Variants in BIRC3 observed in about 807,000 individuals in gnomAD.
The protein encoded by BIRC3 is baculoviral IAP repeat containing 3.
Under a neutral mutation model 59.0 loss-of-function variants are expected in BIRC3, and 26 were observed. That is an observed-to-expected ratio of 0.44 (90% CI 0.32 to 0.61). The LOEUF (loss-of-function observed/expected upper bound fraction) is 0.61. Among genes scored for constraint, BIRC3 ranks in the 20% least tolerant of loss-of-function variants. The pLI is 0.04. For synonymous variants in BIRC3, 243 were observed against 249.2 expected, an observed-to-expected ratio of 0.98 and a Z score of 0.24; for missense variants, 641 against 711.5, an observed-to-expected ratio of 0.90 and a Z score of 1.13.
Position 102,331,149 on chromosome 11 carries a change from G to T in BIRC3, c.1232G>T (p.Arg411Ile). The change falls in exon 6 of 9, where the codon AGA becomes ATA. Residue 411 changes from arginine (R) to isoleucine (I), a missense_variant. Arg to Ile is a moderately conservative substitution (Grantham distance 97, BLOSUM62 -3). Transcript: ENST00000263464. ...ATCCTAGCAACTGGAGAGAATTATA[G>T]ACTAGTCAATGATCTTGTGTTAGAC... Reference protein sequence around the residue: ...RKILATGENYRLVNDLVLDLL... With the variant: ...RKILATGENYILVNDLVLDLL... The T allele has an allele frequency of 6.2e-7, 1 of 1,613,762 alleles. No homozygotes were observed. Among genetic ancestry groups the T allele is most frequent in the South Asian group, 1.1e-5 (1 of 91,068 alleles).
chr11:102,318,242 A>G (rs1950994066), intron 1 of BIRC3, among the ~76,000 whole-genome samples: 1 of 152,306 alleles, frequency 6.6e-6, no homozygotes, highest in African/African-American at 2.4e-5. Context: ...AGGTACCATA[A>G]TTATCTCCAT....
Position 102,324,105 on chromosome 11 carries a change from A to G in BIRC3, c.-405A>G, listed in dbSNP as rs1450380263. The G allele has an allele frequency of 1.8e-5, 4 of 220,982 alleles. No individual in the cohort carries two copies. In the Admixed American group the frequency reaches 2.3e-4, roughly 13 times the overall value. The allele number at this position is 220,982 out of a possible 1,614,324, so 13.7% of individuals were successfully genotyped here. On this transcript the variant is annotated 5_prime_UTR_variant, in exon 2 of 9. Coordinates refer to ENST00000263464, the MANE Select transcript of BIRC3 (RefSeq NM_001165.5). ...TGAAAAGAAGCTTCATGAGTCACACATTACATCTTTGGGTTGATTGAATGC... is the reference window on the plus strand; with the variant it reads ...TGAAAAGAAGCTTCATGAGTCACACGTTACATCTTTGGGTTGATTGAATGC...
In BIRC3 at chr11:102,336,176, A is replaced by C. The variant is rs370069893; in HGVS notation, c.1535A>C (p.Asn512Thr). 2.2e-5 allele frequency: 35 copies of C among 1,613,286 alleles called. No individual in the cohort carries two copies. The highest frequency in any genetic ancestry group is 2.6e-5 in the Non-Finnish European group (31 of 1,179,730). ...KGNIAATVFR[N>T]SLQEAEAVLY... is the part of the protein sequence containing the mutation. The stretch of plus-strand genomic sequence containing the variant: ...AATATTGCAGCCACTGTATTCAGAA[A>C]CTCTCTGCAAGAAGCTGAAGCTGTG... Residue 512 changes from asparagine (N) to threonine (T), a missense_variant, in exon 7 of 9, where the codon AAC becomes ACC. Physicochemically the swap from Asn to Thr is moderately conservative, Grantham distance 65 (BLOSUM62 0). Transcript: ENST00000263464.
Position 102,337,401 on chromosome 11 carries a change from A to C in BIRC3, c.*299A>C, listed in dbSNP as rs1951208007. 7.4e-6 allele frequency: 3 copies of C among 404,314 alleles called. No individual in the cohort carries two copies. Among genetic ancestry groups the C allele is most frequent in the Non-Finnish European group, 1.3e-5 (3 of 230,520 alleles). 25.0% of individuals were successfully genotyped at this position (404,314 alleles called of 1,614,324 possible). A position where few individuals can be genotyped will look rare whatever the true frequency, so the allele number is the denominator to read the frequency against. ...AGTGAAGTAAAACTTAAGATATTTGAGTTAACCTTTAAGAATTTTAAATAT... is the reference window on the plus strand; with the variant it reads ...AGTGAAGTAAAACTTAAGATATTTGCGTTAACCTTTAAGAATTTTAAATAT... On this transcript the variant is annotated 3_prime_UTR_variant, in exon 9 of 9. Coordinates refer to ENST00000263464, the MANE Select transcript of BIRC3 (RefSeq NM_001165.5).
chr11:102,334,240 G>T (rs1437064727), intron 6 of BIRC3, among the ~76,000 whole-genome samples: 3 of 151,986 alleles, frequency 2.0e-5, no homozygotes, highest in Non-Finnish European at 4.4e-5. Context: ...AATATATTAA[G>T]TTCTAAGTCT....
chr11:102,325,244 C>T lies in BIRC3; in HGVS notation c.735C>T (p.Tyr245=). ...IENQLQDTSR[Y]TVSNLSMQTH... is the part of the protein sequence containing the mutation. ...ATCAGCTTCAAGACACTTCAAGATACACAGTTTCTAATCTGAGCATGCAGA... is the reference window on the plus strand; with the variant it reads ...ATCAGCTTCAAGACACTTCAAGATATACAGTTTCTAATCTGAGCATGCAGA... Residue 245 remains tyrosine (Y), a synonymous_variant, in exon 2 of 9, where the codon TAC becomes TAT. Coordinates refer to ENST00000263464, the MANE Select transcript of BIRC3 (RefSeq NM_001165.5). 2 of 1,614,162 alleles carry T rather than the reference C, an allele frequency of 1.2e-6. No individual in the cohort carries two copies. Among genetic ancestry groups the T allele is most frequent in the Non-Finnish European group, 1.7e-6 (2 of 1,180,024 alleles).
Position 102,321,828 on chromosome 11 carries a change from T to G in BIRC3, c.-2673-9T>G. On this transcript the variant is annotated splice_polypyrimidine_tract_variant and intron_variant, in intron 1 of 8. Transcript: ENST00000263464. ...TTTTAAAACTGTCTTTTTGTTTGTT[T>G]TTGAACAGGTTTACAAAGGAGGAAA... The G allele has an allele frequency of 5.6e-6, 1 of 178,340 alleles. No individual in the cohort carries two copies. Among genetic ancestry groups the G allele is most frequent in the Non-Finnish European group, 1.2e-5 (1 of 82,862 alleles). 11.0% of individuals were successfully genotyped at this position (178,340 alleles called of 1,614,324 possible).
chr11:102,320,837 C>A (rs1417025715), intron 1 of BIRC3, among the ~76,000 whole-genome samples: 2 of 152,216 alleles, frequency 1.3e-5, no homozygotes, highest in Non-Finnish European at 2.9e-5. Flanking sequence ...GTGGAGACTA[C>A]CAGAACAGTC....
At position 102,322,737 on chromosome 11, in the gene BIRC3, C is replaced by T. The variant is rs541555686; in HGVS notation, c.-1773C>T. 41 of 159,582 alleles carry T rather than the reference C, an allele frequency of 2.6e-4. No homozygotes were observed. The highest frequency in any genetic ancestry group is 1.1e-3 in the South Asian group (5 of 4,424). 9.9% of individuals were successfully genotyped at this position (159,582 alleles called of 1,614,324 possible). On this transcript the variant is annotated 5_prime_UTR_variant, in exon 2 of 9. In the 5' UTR this introduces an upstream ATG that the reference lacks. Coordinates refer to ENST00000263464, the MANE Select transcript of BIRC3 (RefSeq NM_001165.5). ...TGAAGTCTGCAGTTGAAAAGCCCAA[C>T]GTCTGTGAGATCCAGGAAACCATGC...
chr11:102,336,273 C>G, intron 7 of BIRC3, 53 bp downstream of exon 7: 1 of 1,498,958 alleles, frequency 6.7e-7, no homozygotes, highest in Non-Finnish European at 9.0e-7. Flanking sequence ...TGAAAATACG[C>G]TCTTATTAAT....
intron 4 of BIRC3, among the ~76,000 whole-genome samples, 177 bp from the exon 5 acceptor site, chr11:102,328,720 C>T (rs1951108402): frequency 6.6e-6 from 1 of 151,980 alleles, no homozygotes; most frequent in Non-Finnish European, 1.5e-5. Flanking sequence ...TAGGGAATAA[C>T]TATCAAATAT....
intron 3 of BIRC3, 93 bp downstream of exon 3, chr11:102,325,658 T>C (rs1360239768): frequency 1.7e-6 from 2 of 1,192,712 alleles, no homozygotes; most frequent in African/African-American, 1.5e-5. Flanking sequence ...CTTTACTCTG[T>C]TCCAAATATA....
chr11:102,336,445 A>G, intron 7 of BIRC3: 1 of 574,882 alleles, frequency 1.7e-6, no homozygotes, highest in East Asian at 3.0e-5. Context: ...TTTTTAAAAC[A>G]AATTATTTGT....
At chr11:102,332,291 C>A (rs1261878903) in intron 6 of BIRC3, among the ~76,000 whole-genome samples, 1 of 152,198 alleles carries the variant, frequency 6.6e-6, no homozygotes, top group African/African-American at 2.4e-5. Flanking sequence ...ACCTATAAGT[C>A]CCTTCAACAC....
At chr11:102,334,937 G>T (rs569500840) in intron 6 of BIRC3, among the ~76,000 whole-genome samples, 34 of 152,214 alleles carry the variant, frequency 2.2e-4, no homozygotes, top group African/African-American at 7.9e-4. Flanking sequence ...AACTTAAAAT[G>T]GAATTTTAAA....
chr11:102,324,707 C>T lies in BIRC3; in HGVS notation c.198C>T (p.Cys66=), dbSNP rs376004906. Residue 66 remains cysteine (C), a synonymous_variant, in exon 2 of 9, where the codon TGC becomes TGT. Coordinates refer to ENST00000263464, the MANE Select transcript of BIRC3 (RefSeq NM_001165.5). Reference sequence around the variant, plus strand: ...CTGGTGTGAATGACAAGGTCAAATGCTTCTGTTGTGGCCTGATGCTGGATA... The same window carrying T: ...CTGGTGTGAATGACAAGGTCAAATGTTTCTGTTGTGGCCTGATGCTGGATA... ...YYTGVNDKVK[C]FCCGLMLDNW... is the part of the protein sequence containing the mutation. 6.2e-7 allele frequency: 1 copy of T among 1,614,160 alleles called. No homozygotes were observed. The highest frequency in any genetic ancestry group is 8.5e-7 in the Non-Finnish European group (1 of 1,180,016).
At position 102,335,181 on chromosome 11, in the gene BIRC3, G is replaced by A. The variant is rs137860548; in HGVS notation, c.1325-785G>A. 1.5e-3 allele frequency among the ~76,000 whole-genome samples: 222 copies of A among 152,354 alleles called. 1 individual carries two copies. The highest frequency in any genetic ancestry group is 4.9e-3 in the African/African-American group (204 of 41,590). On this transcript the variant is annotated intron_variant, in intron 6 of 8. Transcript: ENST00000263464. The stretch of plus-strand genomic sequence containing the variant: ...AGCTTTAACCTGGGAGGCAGAGGTT[G>A]CAGTGAGCTGAGATCGCACCACTGC...
intron 5 of BIRC3, 119 bp from the exon 6 acceptor site, chr11:102,330,880 T>C (rs1304442637): frequency 1.8e-5 from 18 of 1,020,908 alleles, no homozygotes; most frequent in Non-Finnish European, 2.3e-5. Flanking sequence ...CCTATACATT[T>C]TGTTGGTTTT....
chr11:102,320,029 G>GT (rs558388312), intron 1 of BIRC3: 1,934 of 144,784 alleles, frequency 0.013, 28 homozygotes, highest in African/African-American at 0.038. Flanking sequence ...ACGCCCGATG[G>GT]TTTTTTTTTT....
Sources: gnomAD v4.1 joint callset for allele counts (sites outside exome capture counted in the v4.1 genomes callset) on GRCh38, gnomAD v4.1.1 for gene constraint, MANE v1.5 for transcripts, NCBI Gene and HGNC (gene_info 2026-07-23, HGNC 2026-07-21) for gene names.